The following RANBP10 variants were observed in gnomAD, a reference collection of about 807,000 sequenced individuals.
RANBP10 encodes ran-binding protein 10.
In RANBP10, 24 loss-of-function variants were observed where a neutral mutation model predicts 72.8. The ratio of observed to expected loss-of-function variants is 0.33; its 90% CI spans 0.24 to 0.46. The LOEUF is 0.46. Ranked by LOEUF, RANBP10 falls within the 20% of genes least tolerant of loss-of-function variation. RANBP10 has a pLI of 1.00. For missense variants in RANBP10, 679 were observed against 817.5 expected (o/e 0.83, Z 2.07); for synonymous variants, 310 against 322.3 (o/e 0.96, Z 0.41).
At chr16:67,786,301 C>T (rs1265572214) in intron 2 of RANBP10, among the ~76,000 whole-genome samples, 1 of 151,738 alleles carries the variant, frequency 6.6e-6, no homozygotes, top group African/African-American at 2.4e-5. Context: ...TGCACTCCAG[C>T]CTGTGCGACA....
chr16:67,733,469 C>G (rs760963263), intron 6 of RANBP10, among the ~76,000 whole-genome samples: 143 of 152,194 alleles, frequency 9.4e-4, no homozygotes, highest in Non-Finnish European at 4.3e-4. Flanking sequence ...GTTACCTACA[C>G]AAGTAAAAGA....
chr16:67,802,832 TC>T (rs1204787141), intron 2 of RANBP10, among the ~76,000 whole-genome samples: 5 of 152,162 alleles, frequency 3.3e-5, no homozygotes, highest in Admixed American at 2.0e-4. Flanking sequence ...AGAATCCAGA[TC>T]TCCAACATAG....
chr16:67,753,559 T>G (rs545338940), intron 3 of RANBP10, among the ~76,000 whole-genome samples: 2 of 152,052 alleles, frequency 1.3e-5, no homozygotes, highest in Non-Finnish European at 2.9e-5. Context: ...CTGACTGGAA[T>G]GGGGTAGTCA....
intron 2 of RANBP10, among the ~76,000 whole-genome samples, chr16:67,801,937 A>T (rs1316194415): frequency 2.6e-5 from 4 of 152,052 alleles, no homozygotes; most frequent in Non-Finnish European, 2.9e-5. Flanking sequence ...TCTACAAAAA[A>T]TAAGAAAATG....
At chr16:67,774,450 C>T (rs1253039305) in intron 2 of RANBP10, among the ~76,000 whole-genome samples, 6 of 152,206 alleles carry the variant, frequency 3.9e-5, no homozygotes, top group East Asian at 3.8e-4. Context: ...CCACAGGAGA[C>T]GCCTCTCCCT....
intron 4 of RANBP10, among the ~76,000 whole-genome samples, chr16:67,741,924 T>A (rs1028334706): frequency 1.3e-5 from 2 of 152,308 alleles, no homozygotes; most frequent in East Asian, 3.9e-4. Flanking sequence ...AGATTCACCA[T>A]GCATTCTGTC....
At chr16:67,759,285 G>A (rs939743958) in intron 3 of RANBP10, among the ~76,000 whole-genome samples, 1 of 152,228 alleles carries the variant, frequency 6.6e-6, no homozygotes. Context: ...GAGGGGCAAG[G>A]CAGCACCAGG....
chr16:67,749,011 T>C (rs1356249422), intron 3 of RANBP10, among the ~76,000 whole-genome samples: 1 of 152,088 alleles, frequency 6.6e-6, no homozygotes, highest in Non-Finnish European at 1.5e-5. Flanking sequence ...AGGATCTGAG[T>C]AGCCAGAAAG....
At chr16:67,759,347 A>C (rs1179252672) in intron 3 of RANBP10, among the ~76,000 whole-genome samples, 1 of 152,214 alleles carries the variant, frequency 6.6e-6, no homozygotes, top group Non-Finnish European at 1.5e-5. Context: ...CAGCTGCTCC[A>C]GCTAATTCAG....
At chr16:67,746,526 C>T (rs758068436) in intron 3 of RANBP10, among the ~76,000 whole-genome samples, 53 of 152,106 alleles carry the variant, frequency 3.5e-4, no homozygotes, top group Non-Finnish European at 1.5e-4. Flanking sequence ...TGGCGCCTGC[C>T]TATAGTCCCA....
Position 67,723,762 on chromosome 16 carries a change from C to T in RANBP10, c.*2666G>A, listed in dbSNP as rs2053561499. On this transcript the variant is annotated 3_prime_UTR_variant, in exon 14 of 14. Transcript: ENST00000317506. ...GGTCAGGTCCAGCCCTTCACCAGGG[C>T]TCCCCCAGGTGCCTTTCCCACTCTA... 1 of 152,314 alleles carries T rather than the reference C, an allele frequency of 6.6e-6. No individual in the cohort carries two copies. Among genetic ancestry groups the T allele is most frequent in the African/African-American group, 2.4e-5 (1 of 41,472 alleles). 9.4% of individuals were successfully genotyped at this position (152,314 alleles called of 1,614,324 possible).
chr16:67,800,043 C>A (rs949250373), intron 2 of RANBP10, among the ~76,000 whole-genome samples: 7 of 152,074 alleles, frequency 4.6e-5, no homozygotes, highest in Admixed American at 2.6e-4. Flanking sequence ...ATCACTTGAA[C>A]CCAGGAGGCG....
chr16:67,756,464 G>A (rs1372384618), intron 3 of RANBP10, among the ~76,000 whole-genome samples: 8 of 152,210 alleles, frequency 5.3e-5, no homozygotes, highest in Non-Finnish European at 1.0e-4. Context: ...ACTCACGCCT[G>A]TAATCCCAGC....
chr16:67,748,019 G>A (rs896580768), intron 3 of RANBP10, among the ~76,000 whole-genome samples: 167 of 149,670 alleles, frequency 1.1e-3, no homozygotes, highest in Non-Finnish European at 1.9e-3. Context: ...TAGAGACGGG[G>A]TTTCACCATG....
chr16:67,767,622 C>T (rs898139865), intron 3 of RANBP10, among the ~76,000 whole-genome samples: 3 of 149,406 alleles, frequency 2.0e-5, no homozygotes, highest in East Asian at 2.0e-4. Context: ...TTTGAGACGG[C>T]GTCTCGCTCT....
chr16:67,776,327 TG>T (rs1321420610), intron 2 of RANBP10, among the ~76,000 whole-genome samples: 3 of 150,476 alleles, frequency 2.0e-5, no homozygotes, highest in Non-Finnish European at 4.4e-5. Flanking sequence ...CCGGGTGTGG[TG>T]GAACATGGCT....
chr16:67,793,781 C>T (rs2055075318), intron 2 of RANBP10, among the ~76,000 whole-genome samples: 1 of 152,160 alleles, frequency 6.6e-6, no homozygotes, highest in South Asian at 2.1e-4. Context: ...TCTGCATTTG[C>T]TTCTACTAGT....
chr16:67,740,508 G>A (rs2053948900), intron 4 of RANBP10, among the ~76,000 whole-genome samples: 1 of 152,062 alleles, frequency 6.6e-6, no homozygotes, highest in African/African-American at 2.4e-5. Flanking sequence ...CCCCTGCCCA[G>A]AAAAGAAACT....
chr16:67,796,010 G>A (rs920693060), intron 2 of RANBP10, among the ~76,000 whole-genome samples: 4 of 143,284 alleles, frequency 2.8e-5, no homozygotes, highest in Non-Finnish European at 4.5e-5. Flanking sequence ...TCCACCTCCC[G>A]CGTTCAAGTG....
Sources: allele counts gnomAD v4.1 joint callset (sites outside exome capture counted in the v4.1 genomes callset), GRCh38; gene constraint gnomAD v4.1.1; transcripts MANE v1.5; gene names NCBI Gene and HGNC (gene_info 2026-07-23, HGNC 2026-07-21).